Variants in DLGAP2 observed in about 807,000 individuals in gnomAD.
DLGAP2 encodes the protein disks large-associated protein 2.
Under a neutral mutation model 100.3 loss-of-function variants are expected in DLGAP2, and 26 were observed. The observed-to-expected ratio is 0.26, with a 90% CI of 0.19 to 0.36. DLGAP2 has a LOEUF of 0.36. Ranked by LOEUF, DLGAP2 falls within the 10% of genes least tolerant of loss-of-function variation. The pLI, the probability that DLGAP2 is intolerant of heterozygous loss-of-function variation, is 1.00. For synonymous variants in DLGAP2, 886 were observed against 630.1 expected (o/e 1.41, Z -6.08); for missense variants, 1,858 against 1,453.2 (o/e 1.28, Z -4.53).
chr8:1,290,829 G>A (rs1265217684), intron 3 of DLGAP2, among the ~76,000 whole-genome samples: 1 of 152,198 alleles, frequency 6.6e-6, no homozygotes, highest in Non-Finnish European at 1.5e-5. Flanking sequence ...GTAAGGTGGT[G>A]TTTTAAAGAA....
intron 4 of DLGAP2, among the ~76,000 whole-genome samples, chr8:1,525,476 C>T (rs963346896): frequency 1.3e-5 from 2 of 152,162 alleles, no homozygotes; most frequent in African/African-American, 4.8e-5. Flanking sequence ...GTGTACAATC[C>T]TGGCGATGGC....
chr8:1,531,572 G>A (rs1283187559), intron 4 of DLGAP2, among the ~76,000 whole-genome samples: 1 of 152,036 alleles, frequency 6.6e-6, no homozygotes, highest in Non-Finnish European at 1.5e-5. Context: ...GTATGTTATT[G>A]CACTCCAGCC....
At chr8:896,263 T>G (rs562867383) in intron 1 of DLGAP2, among the ~76,000 whole-genome samples, 2 of 146,084 alleles carry the variant, frequency 1.4e-5, no homozygotes, top group Non-Finnish European at 3.0e-5. Flanking sequence ...GGTGTCAATC[T>G]CCAGGGTTTG....
chr8:1,608,702 G>A (rs1336840907), intron 6 of DLGAP2, among the ~76,000 whole-genome samples: 7 of 143,692 alleles, frequency 4.9e-5, no homozygotes, highest in Non-Finnish European at 9.1e-5. Flanking sequence ...TAAAGGAGCT[G>A]ATGGAGCTGA....
At position 1,072,369 on chromosome 8, in the gene DLGAP2, C is replaced by T. The variant is rs558628425; in HGVS notation, c.73+164403C>T. On this transcript the variant is annotated intron_variant, in intron 2 of 14. Coordinates refer to ENST00000637795, the MANE Select transcript of DLGAP2 (RefSeq NM_001346810.2). ...CATATAATTCATAAATCTTGGTTCTCACATGTGGTCATCCAATGAAAATTT... is the reference window on the plus strand; with the variant it reads ...CATATAATTCATAAATCTTGGTTCTTACATGTGGTCATCCAATGAAAATTT... Among the ~76,000 whole-genome samples, 10 of 152,274 alleles carry T rather than the reference C, an allele frequency of 6.6e-5. No individual in the cohort carries two copies. The South Asian group carries it at 1.9e-3, about 28-fold the overall frequency.
At chr8:979,884 G>C (rs1206982750) in intron 2 of DLGAP2, among the ~76,000 whole-genome samples, 1 of 152,182 alleles carries the variant, frequency 6.6e-6, no homozygotes, top group Non-Finnish European at 1.5e-5. Flanking sequence ...CGGTTTCCTT[G>C]GGTTTGCCAT....
At chr8:1,178,897 C>T (rs968868900) in intron 2 of DLGAP2, among the ~76,000 whole-genome samples, 1 of 152,190 alleles carries the variant, frequency 6.6e-6, no homozygotes, top group Non-Finnish European at 1.5e-5. Flanking sequence ...CCCCCCTGCC[C>T]CACACCATTG....
At chr8:1,222,373 G>A (rs1447946274) in intron 2 of DLGAP2, among the ~76,000 whole-genome samples, 1 of 152,144 alleles carries the variant, frequency 6.6e-6, no homozygotes, top group Admixed American at 6.5e-5. Context: ...GCACCCAGGG[G>A]CTGCATGCTC....
At chr8:1,568,176 C>A (rs575270992) in intron 6 of DLGAP2, among the ~76,000 whole-genome samples, 1 of 148,086 alleles carries the variant, frequency 6.8e-6, no homozygotes, top group Admixed American at 6.7e-5. Context: ...GTCCACTCAG[C>A]AGACACAAAT....
At chr8:1,032,644 A>AGTC (rs1802008435) in intron 2 of DLGAP2, 1 of 152,210 alleles carries the variant, frequency 6.6e-6, no homozygotes, top group Non-Finnish European at 1.5e-5. Flanking sequence ...GGAAGTGGAC[A>AGTC]AGGAGGAAAT....
chr8:1,245,796 A>G (rs73168463), intron 2 of DLGAP2, among the ~76,000 whole-genome samples: 6,083 of 152,256 alleles, frequency 0.04, 161 homozygotes, highest in Middle Eastern at 0.14. Context: ...ACAGTTTTCC[A>G]GGAAAAAAAG....
At chr8:1,317,348 T>C (rs1193166601) in intron 3 of DLGAP2, among the ~76,000 whole-genome samples, 1 of 129,882 alleles carries the variant, frequency 7.7e-6, no homozygotes, top group Non-Finnish European at 1.6e-5. Flanking sequence ...CCAACAGTGG[T>C]CTACACTCGA....
chr8:1,075,453 G>T (rs1447326629), intron 2 of DLGAP2, among the ~76,000 whole-genome samples: 1 of 152,072 alleles, frequency 6.6e-6, no homozygotes, highest in South Asian at 2.1e-4. Flanking sequence ...TGGGTCTCTG[G>T]GGTGCCTGTG....
chr8:1,576,393 A>G (rs1366248770), intron 6 of DLGAP2, among the ~76,000 whole-genome samples: 2 of 152,182 alleles, frequency 1.3e-5, no homozygotes, highest in African/African-American at 2.4e-5. Context: ...AGTAGATTGC[A>G]AAAATTTTCT....
intron 3 of DLGAP2, among the ~76,000 whole-genome samples, chr8:1,365,873 C>T (rs903282644): frequency 2.6e-5 from 4 of 152,242 alleles, no homozygotes; most frequent in Admixed American, 2.6e-4. Flanking sequence ...CTCTCTCTAA[C>T]TCCCCAGAAT....
intron 2 of DLGAP2, among the ~76,000 whole-genome samples, chr8:1,073,559 G>A (rs1324576811): frequency 6.6e-6 from 1 of 152,206 alleles, no homozygotes; most frequent in Non-Finnish European, 1.5e-5. Flanking sequence ...CTTTTCCAAA[G>A]ATGGTTTTTG....
At chr8:1,680,199 G>T (rs1798911302) in intron 12 of DLGAP2, among the ~76,000 whole-genome samples, 1 of 152,030 alleles carries the variant, frequency 6.6e-6, no homozygotes, top group African/African-American at 2.4e-5. Flanking sequence ...TTCTTTTTCT[G>T]TGAATTTATT....
intron 3 of DLGAP2, among the ~76,000 whole-genome samples, chr8:1,364,298 G>A (rs1047213471): frequency 2.6e-5 from 4 of 152,178 alleles, no homozygotes; most frequent in South Asian, 2.1e-4. Flanking sequence ...TGTGCTCCAG[G>A]TGGGGACAGA....
chr8:742,229 T>C (rs1015937159), intron 1 of DLGAP2, among the ~76,000 whole-genome samples: 8 of 152,200 alleles, frequency 5.3e-5, no homozygotes, highest in African/African-American at 1.9e-4. Context: ...ATATGGTACA[T>C]CGTGTGTATC....
Sources: allele counts gnomAD v4.1 joint callset (sites outside exome capture counted in the v4.1 genomes callset), GRCh38; gene constraint gnomAD v4.1.1; transcripts MANE v1.5; gene names NCBI Gene and HGNC (gene_info 2026-07-23, HGNC 2026-07-21).